Variants in CA10 observed in about 807,000 individuals in gnomAD.
CA10 encodes the protein carbonic anhydrase 10 (inactive), also known as carbonic anhydrase-related protein 10.
A neutral mutation model predicts 44.2 loss-of-function variants in CA10; 14 were observed. The ratio of observed to expected loss-of-function variants is 0.32; its 90% CI spans 0.21 to 0.50. The LOEUF (loss-of-function observed/expected upper bound fraction) is 0.50, where lower values mean the gene tolerates loss of function less well. CA10 is among the 20% of genes least tolerant of loss of function. The pLI is 0.99. For missense variants in CA10, 350 were observed against 409.7 expected, an observed-to-expected ratio of 0.85 and a Z score of 1.26; for synonymous variants, 159 against 141.6, an observed-to-expected ratio of 1.12 and a Z score of -0.87.
At chr17:51,650,778 G>A (rs1224372878) in intron 5 of CA10, among the ~76,000 whole-genome samples, 1 of 152,164 alleles carries the variant, frequency 6.6e-6, no homozygotes, top group African/African-American at 2.4e-5. Context: ...CCTGGTACCT[G>A]GTGAGTCTGG....
At chr17:51,738,915 G>A (rs934639525) in intron 4 of CA10, among the ~76,000 whole-genome samples, 12 of 152,220 alleles carry the variant, frequency 7.9e-5, no homozygotes, top group Middle Eastern at 3.4e-3. Flanking sequence ...TAATTCTGCC[G>A]CTAAATCTCT....
In CA10 at chr17:51,647,661, C is replaced by T. The variant is rs563681105; in HGVS notation, c.634+1521G>A. Among the ~76,000 whole-genome samples the T allele has an allele frequency of 2.2e-4, 33 of 152,214 alleles. No homozygotes were observed. In the South Asian group the frequency reaches 6.2e-3, roughly 29 times the overall value. ...TAATGTGTGATTTCATGCATTTTCA[C>T]GGTCTCTAAATTGCAAATCCAAGAT... On this transcript the variant is annotated intron_variant, in intron 6 of 8. Coordinates refer to ENST00000451037, the MANE Select transcript of CA10 (RefSeq NM_020178.5).
intron 2 of CA10, among the ~76,000 whole-genome samples, chr17:52,025,902 T>C (rs1294613706): frequency 3.9e-5 from 6 of 152,138 alleles, no homozygotes; most frequent in Non-Finnish European, 4.4e-5. Flanking sequence ...GTCCAGGATG[T>C]ATTTCTATGC....
intron 1 of CA10, among the ~76,000 whole-genome samples, chr17:52,077,115 A>C (rs1567725209): frequency 6.6e-6 from 1 of 152,234 alleles, no homozygotes; most frequent in African/African-American, 2.4e-5. Context: ...TTTCCAAAGG[A>C]AACTCTGAAT....
chr17:51,712,069 C>G (rs1048563674), intron 4 of CA10, among the ~76,000 whole-genome samples: 1 of 152,106 alleles, frequency 6.6e-6, no homozygotes, highest in Non-Finnish European at 1.5e-5. Context: ...GATAAACAAG[C>G]CTATTCTAAA....
intron 2 of CA10, among the ~76,000 whole-genome samples, chr17:51,932,919 A>G (rs968751708): frequency 6.6e-6 from 1 of 152,008 alleles, no homozygotes; most frequent in African/African-American, 2.4e-5. Flanking sequence ...TTTAAAAAAA[A>G]CACTGACTTG....
chr17:51,717,821 A>ATGTG (rs377290070), intron 4 of CA10, among the ~76,000 whole-genome samples: 3 of 38,090 alleles, frequency 7.9e-5, no homozygotes, highest in Admixed American at 4.0e-4. Flanking sequence ...ACGTATATAT[A>ATGTG]TGTGTGTGTA....
chr17:52,089,430 C>G (rs1182468869), intron 1 of CA10, among the ~76,000 whole-genome samples: 1 of 152,080 alleles, frequency 6.6e-6, no homozygotes. Context: ...ATTTAAATAG[C>G]TTTTATAGGA....
At chr17:51,685,552 C>T (rs112976776) in intron 4 of CA10, among the ~76,000 whole-genome samples, 2 of 152,146 alleles carry the variant, frequency 1.3e-5, no homozygotes, top group African/African-American at 2.4e-5. Flanking sequence ...ATCACTGAGC[C>T]TTGCAATCAA....
intron 2 of CA10, among the ~76,000 whole-genome samples, chr17:52,065,028 G>A (rs563526424): frequency 7.9e-5 from 12 of 152,256 alleles, no homozygotes; most frequent in African/African-American, 2.4e-4. Flanking sequence ...CTATGAGCTG[G>A]CCCCTGACCA....
At chr17:51,732,135 T>C (rs1379080995) in intron 4 of CA10, among the ~76,000 whole-genome samples, 2 of 152,210 alleles carry the variant, frequency 1.3e-5, no homozygotes, top group African/African-American at 4.8e-5. Context: ...TTGAAGCTAA[T>C]GTTAACGCCT....
Position 51,928,198 on chromosome 17 carries a change from A to G in CA10, c.279+2792T>C, listed in dbSNP as rs540222287. On this transcript the variant is annotated intron_variant, in intron 3 of 8. Transcript: ENST00000451037. ...CATATACATTATGTCTTATGTAGATAGCCTGAAGGTAATTATATACAATAT... is the reference window on the plus strand; with the variant it reads ...CATATACATTATGTCTTATGTAGATGGCCTGAAGGTAATTATATACAATAT... Among the ~76,000 whole-genome samples the G allele has an allele frequency of 7.0e-4, 106 of 152,296 alleles. 1 individual carries two copies. The highest frequency in any genetic ancestry group is 6.9e-3 in the Admixed American group (106 of 15,288).
Position 51,817,896 on chromosome 17 carries a change from C to T in CA10, c.280-70078G>A, listed in dbSNP as rs555954236. ...AAGCATAGTCAAAGAATTTGCCCAC[C>T]GTGGTGTAATTAGTAAGTGGCAGAG... is the stretch of plus-strand genomic sequence containing the variant. On this transcript the variant is annotated intron_variant, in intron 3 of 8. Coordinates refer to ENST00000451037, the MANE Select transcript of CA10 (RefSeq NM_020178.5). 6.6e-5 allele frequency among the ~76,000 whole-genome samples: 10 copies of T among 152,278 alleles called. No individual in the cohort carries two copies. The South Asian group carries it at 8.3e-4, about 13-fold the overall frequency.
At chr17:51,718,866 G>C (rs1916263435) in intron 4 of CA10, among the ~76,000 whole-genome samples, 2 of 152,162 alleles carry the variant, frequency 1.3e-5, no homozygotes, top group Non-Finnish European at 2.9e-5. Context: ...CAGAAGTGTT[G>C]ATTGTTGAAT....
rs1986467835 is a variant in CA10 at position 52,031,558 on chromosome 17, C to CCAA, written c.136+40760_136+40761insTTG. 2.0e-5 allele frequency among the ~76,000 whole-genome samples: 3 copies of CCAA among 152,110 alleles called. No individual in the cohort carries two copies. In the South Asian group the frequency reaches 6.2e-4, roughly 32 times the overall value. ...ATAGGTAGTGTTCACCAATTCACCACTGTATAATAGGAATAACATGGGATT... is the reference window on the plus strand; with the variant it reads ...ATAGGTAGTGTTCACCAATTCACCACCAATGTATAATAGGAATAACATGGGATT... On this transcript the variant is annotated intron_variant, in intron 2 of 8. Transcript: ENST00000451037.
At chr17:52,144,169 T>C (rs1989537181) in intron 1 of CA10, among the ~76,000 whole-genome samples, 1 of 152,066 alleles carries the variant, frequency 6.6e-6, no homozygotes, top group Admixed American at 6.5e-5. Flanking sequence ...GGGAAGCAGG[T>C]AAGTCTGAAC....
intron 2 of CA10, among the ~76,000 whole-genome samples, chr17:52,058,953 GTC>G (rs1327241459): frequency 6.6e-6 from 1 of 152,132 alleles, no homozygotes; most frequent in African/African-American, 2.4e-5. Context: ...CTAGCAGAGT[GTC>G]TGGCACATCA....
At chr17:51,677,229 T>C (rs951734604) in intron 4 of CA10, among the ~76,000 whole-genome samples, 2 of 152,210 alleles carry the variant, frequency 1.3e-5, no homozygotes, top group African/African-American at 2.4e-5. Context: ...ATTGTAATAC[T>C]CAGCGTTGGA....
intron 1 of CA10, among the ~76,000 whole-genome samples, chr17:52,149,798 G>A (rs573174881): frequency 1.3e-5 from 2 of 152,212 alleles, no homozygotes; most frequent in African/African-American, 2.4e-5. Context: ...CTGGAACCAG[G>A]GACAACAGTG....
Sources: allele counts gnomAD v4.1 joint callset (sites outside exome capture counted in the v4.1 genomes callset), GRCh38; gene constraint gnomAD v4.1.1; transcripts MANE v1.5; gene names NCBI Gene and HGNC (gene_info 2026-07-23, HGNC 2026-07-21).